STARD13: variants seen among roughly 807,000 people sequenced by gnomAD.
STARD13 encodes the protein stAR-related lipid transfer protein 13.
In STARD13, 62 loss-of-function variants were observed where a neutral mutation model predicts 106.4. The observed-to-expected ratio is 0.58, with a 90% CI of 0.48 to 0.72. The LOEUF (loss-of-function observed/expected upper bound fraction) is 0.72. Ranked by LOEUF, STARD13 falls within the 30% of genes least tolerant of loss-of-function variation. The probability of loss-of-function intolerance (pLI) is 0.00; values close to 1 mark genes in which losing one functional copy is unlikely to be tolerated. For synonymous variants in STARD13, 565 were observed against 553.0 expected (o/e 1.02, Z -0.31); for missense variants, 1,387 against 1,424.0 (o/e 0.97, Z 0.42).
At chr13:33,325,442 T>G (rs2077762895) in intron 1 of STARD13, among the ~76,000 whole-genome samples, 1 of 152,194 alleles carries the variant, frequency 6.6e-6, no homozygotes, top group African/African-American at 2.4e-5. Context: ...AAAATGAACA[T>G]AAAGTCTTGG....
At chr13:33,622,545 A>G in the STARD13 span, among the ~76,000 whole-genome samples, 1 of 142,316 alleles carries the variant, frequency 7.0e-6, no homozygotes, top group African/African-American at 2.6e-5. Context: ...AGGCAGACGC[A>G]GGAGAATGGC....
the STARD13 span, among the ~76,000 whole-genome samples, chr13:33,428,035 C>A: frequency 6.6e-6 from 1 of 151,884 alleles, no homozygotes; most frequent in South Asian, 2.1e-4. Context: ...ACATTTACAG[C>A]CAACTCTGCT....
At chr13:33,398,528 C>T in the STARD13 span, among the ~76,000 whole-genome samples, 14 of 151,702 alleles carry the variant, frequency 9.2e-5, no homozygotes, top group East Asian at 1.5e-3. Context: ...GCCAAGCCCC[C>T]GAGTGGAAAA....
At chr13:33,374,759 T>C in the STARD13 span, among the ~76,000 whole-genome samples, 2 of 152,098 alleles carry the variant, frequency 1.3e-5, no homozygotes, top group African/African-American at 4.8e-5. Flanking sequence ...GAAGCTAAAA[T>C]CTTGGGGGTG....
rs760747030 is a variant in STARD13, at chr13:33,106,892, C to T, written c.3090G>A (p.Val1030=). Residue 1030 remains valine (V), a synonymous_variant, in exon 13 of 14, where the codon GTG becomes GTA. Transcript: ENST00000336934. ...TDLPKGMCTL[V]SLSVEHEEAQ... ...CTTCCTCATGCTCCACGGAGAGGGA[C>T]ACCAGGGTACACATTCCTTTGGGCA... The T allele has an allele frequency of 1.5e-5, 25 of 1,613,998 alleles. No homozygotes were observed. Among genetic ancestry groups the T allele is most frequent in the Middle Eastern group, 1.6e-4 (1 of 6,084 alleles).
chr13:33,456,754 G>A, the STARD13 span, among the ~76,000 whole-genome samples: 10 of 152,132 alleles, frequency 6.6e-5, no homozygotes, highest in Non-Finnish European at 1.0e-4. Context: ...CACTATGTGG[G>A]AATACAGGGA....
At chr13:33,205,662 A>G (rs1200726399) in intron 1 of STARD13, among the ~76,000 whole-genome samples, 3 of 152,206 alleles carry the variant, frequency 2.0e-5, no homozygotes, top group African/African-American at 7.2e-5. Flanking sequence ...ACTGCTTTTT[A>G]ATTTTAAATC....
chr13:33,421,636 C>T, the STARD13 span, among the ~76,000 whole-genome samples: 2 of 152,098 alleles, frequency 1.3e-5, no homozygotes, highest in Admixed American at 1.3e-4. Flanking sequence ...GGCAGAGACA[C>T]AACAATAAAA....
chr13:33,275,534 G>A (rs150749450), intron 1 of STARD13, among the ~76,000 whole-genome samples: 23 of 152,212 alleles, frequency 1.5e-4, no homozygotes, highest in African/African-American at 4.1e-4. Flanking sequence ...TAAGTGACTC[G>A]TCCAAGGTCA....
intron 1 of STARD13, among the ~76,000 whole-genome samples, chr13:33,249,041 A>G (rs1331986140): frequency 1.3e-5 from 2 of 152,256 alleles, no homozygotes; most frequent in Admixed American, 6.5e-5. Context: ...TGAGTACTAT[A>G]TTTTAAAGGC....
At chr13:33,116,718 C>G (rs187268665) in intron 8 of STARD13, among the ~76,000 whole-genome samples, 94 of 152,366 alleles carry the variant, frequency 6.2e-4, no homozygotes, top group Non-Finnish European at 1.2e-3. Flanking sequence ...AGTTCAACCT[C>G]TCACAGCAAC....
the STARD13 span, among the ~76,000 whole-genome samples, chr13:33,382,792 T>A: frequency 4.2e-4 from 64 of 152,312 alleles, no homozygotes; most frequent in African/African-American, 1.4e-3. Context: ...AAGAAATAAA[T>A]GCTCTTCCAC....
At chr13:33,618,971 G>A in the STARD13 span, among the ~76,000 whole-genome samples, 15 of 152,016 alleles carry the variant, frequency 9.9e-5, no homozygotes, top group Middle Eastern at 6.8e-3. Flanking sequence ...GGGATATACC[G>A]TGCATTCAGA....
intron 1 of STARD13, among the ~76,000 whole-genome samples, chr13:33,343,604 T>TAAAA (rs1173728997): frequency 0.042 from 3,179 of 76,100 alleles, 529 homozygotes; most frequent in African/African-American, 0.11. Flanking sequence ...AAAACAAATC[T>TAAAA]ACAAATCTAG....
upstream of STARD13, among the ~76,000 whole-genome samples, chr13:33,353,432 G>A (rs1168725378): frequency 6.6e-6 from 1 of 152,062 alleles, no homozygotes; most frequent in African/African-American, 2.4e-5. Flanking sequence ...GGCTTGTCTC[G>A]TGGCTGTCAG....
chr13:33,123,239 C>T (rs1355174776), intron 7 of STARD13, among the ~76,000 whole-genome samples: 1 of 152,066 alleles, frequency 6.6e-6, no homozygotes, highest in Non-Finnish European at 1.5e-5. Flanking sequence ...AAACTTACTG[C>T]TCTATTAGGA....
At chr13:33,493,502 T>C in the STARD13 span, among the ~76,000 whole-genome samples, 1 of 152,176 alleles carries the variant, frequency 6.6e-6, no homozygotes, top group Non-Finnish European at 1.5e-5. Flanking sequence ...TAATAGGGCA[T>C]ACTAACATCT....
the STARD13 span, among the ~76,000 whole-genome samples, chr13:33,398,425 A>G: frequency 1.3e-5 from 2 of 152,230 alleles, no homozygotes; most frequent in African/African-American, 4.8e-5. Flanking sequence ...TTAAGACACT[A>G]AAACATGAAC....
At chr13:33,654,890 C>T in the STARD13 span, 2 of 152,244 alleles carry the variant, frequency 1.3e-5, no homozygotes, top group East Asian at 3.8e-4. Flanking sequence ...GACTTAGCTG[C>T]TTCTTGTCTT....
Sources: allele counts gnomAD v4.1 joint callset (sites outside exome capture counted in the v4.1 genomes callset), GRCh38; gene constraint gnomAD v4.1.1; transcripts MANE v1.5; gene names NCBI Gene and HGNC (gene_info 2026-07-23, HGNC 2026-07-21).